CLSTN2: variants seen among roughly 807,000 people sequenced by gnomAD.
CLSTN2 encodes the protein calsyntenin 2.
Under a neutral mutation model 101.2 loss-of-function variants are expected in CLSTN2, and 48 were observed. The ratio of observed to expected loss-of-function variants is 0.47; its 90% CI spans 0.38 to 0.60. CLSTN2 has a LOEUF of 0.60. CLSTN2 is among the 20% of genes least tolerant of loss of function. The pLI is 0.00. For synonymous variants in CLSTN2, 481 were observed against 463.6 expected (o/e 1.04, Z -0.48); for missense variants, 1,160 against 1,238.2 (o/e 0.94, Z 0.95).
At chr3:140,184,441 T>C (rs1346308258) in intron 2 of CLSTN2, among the ~76,000 whole-genome samples, 1 of 152,110 alleles carries the variant, frequency 6.6e-6, no homozygotes, top group Non-Finnish European at 1.5e-5. Context: ...GAGCCCCTTA[T>C]GAAACCATCA....
At chr3:140,129,250 A>C (rs1042912578) in intron 1 of CLSTN2, among the ~76,000 whole-genome samples, 12 of 152,110 alleles carry the variant, frequency 7.9e-5, no homozygotes, top group Admixed American at 3.9e-4. Flanking sequence ...TGATGTACCC[A>C]TACTCTTTCA....
rs1423393269 is a variant in CLSTN2, at chr3:140,389,345, GT to G, written c.233-14282del. On this transcript the variant is annotated intron_variant, in intron 2 of 16. Coordinates refer to ENST00000458420, the MANE Select transcript of CLSTN2 (RefSeq NM_022131.3). The stretch of plus-strand genomic sequence containing the variant: ...GTTGTTCCCCTCCCCATGTCCATGT[GT>G]TCTCATTGTTCAGCTCCCACTTATA... Among the ~76,000 whole-genome samples, 7 of 152,274 alleles carry G rather than the reference GT, an allele frequency of 4.6e-5. No individual in the cohort carries two copies. The East Asian group carries it at 1.2e-3, about 25-fold the overall frequency.
chr3:140,190,261 A>G (rs1219775754), intron 2 of CLSTN2, among the ~76,000 whole-genome samples: 1 of 152,026 alleles, frequency 6.6e-6, no homozygotes, highest in Non-Finnish European at 1.5e-5. Flanking sequence ...CTCTTCTCTC[A>G]TCCATTAATC....
chr3:140,256,453 C>A (rs1231264986), intron 2 of CLSTN2, among the ~76,000 whole-genome samples: 1 of 152,160 alleles, frequency 6.6e-6, no homozygotes, highest in Non-Finnish European at 1.5e-5. Flanking sequence ...AAAGGAATAT[C>A]AGCACATCCA....
At chr3:140,563,239 G>C (rs1253052795) in intron 15 of CLSTN2, 36 bp downstream of exon 15, 1 of 1,606,528 alleles carries the variant, frequency 6.2e-7, no homozygotes, top group Admixed American at 1.7e-5. Context: ...TCAGGACACA[G>C]GTCGTCATTG....
chr3:140,314,486 C>G lies in CLSTN2; in HGVS notation c.233-89143C>G, dbSNP rs565168428. On this transcript the variant is annotated intron_variant, in intron 2 of 16. Coordinates refer to ENST00000458420, the MANE Select transcript of CLSTN2 (RefSeq NM_022131.3). ...TAACTCTCAAGATCCCACCCATGTG[C>G]CACTCCCCTAGAGGCCTCATGGGAC... Among the ~76,000 whole-genome samples, 3 of 152,294 alleles carry G rather than the reference C, an allele frequency of 2.0e-5. 1 individual carries two copies. The South Asian group carries it at 6.2e-4, about 32-fold the overall frequency.
At chr3:139,963,833 A>T (rs1202594557) in intron 1 of CLSTN2, among the ~76,000 whole-genome samples, 1 of 152,202 alleles carries the variant, frequency 6.6e-6, no homozygotes, top group Non-Finnish European at 1.5e-5. Context: ...TCCTGGGCAG[A>T]GTCTTGCACA....
intron 1 of CLSTN2, among the ~76,000 whole-genome samples, chr3:140,027,240 G>C (rs2007440276): frequency 6.6e-6 from 1 of 152,166 alleles, no homozygotes; most frequent in Non-Finnish European, 1.5e-5. Flanking sequence ...CAGAACCTCA[G>C]AATATAGCCT....
intron 1 of CLSTN2, among the ~76,000 whole-genome samples, chr3:140,121,008 G>A (rs761652375): frequency 5.3e-5 from 8 of 152,334 alleles, no homozygotes; most frequent in Middle Eastern, 3.4e-3. Flanking sequence ...AGAGCCTCTG[G>A]TAAACAGGTA....
At chr3:140,285,738 G>C (rs2086889981) in intron 2 of CLSTN2, among the ~76,000 whole-genome samples, 1 of 152,148 alleles carries the variant, frequency 6.6e-6, no homozygotes, top group African/African-American at 2.4e-5. Context: ...CATATCTCCA[G>C]AATTTCTGGG....
At chr3:139,967,169 G>A (rs1419547763) in intron 1 of CLSTN2, among the ~76,000 whole-genome samples, 2 of 152,196 alleles carry the variant, frequency 1.3e-5, no homozygotes, top group South Asian at 2.1e-4. Context: ...TGACTTGGAA[G>A]CTGAAGGGAT....
At chr3:140,147,061 T>C (rs1249436883) in intron 1 of CLSTN2, among the ~76,000 whole-genome samples, 1 of 152,206 alleles carries the variant, frequency 6.6e-6, no homozygotes, top group Non-Finnish European at 1.5e-5. Context: ...AATGGATGGA[T>C]GAATGGATGA....
At chr3:140,148,359 AT>A (rs2009812919) in intron 1 of CLSTN2, among the ~76,000 whole-genome samples, 1 of 152,144 alleles carries the variant, frequency 6.6e-6, no homozygotes, top group Non-Finnish European at 1.5e-5. Flanking sequence ...ATTGAGTGGG[AT>A]TTGTTAAAGC....
intron 9 of CLSTN2, 108 bp downstream of exon 9, chr3:140,532,594 T>G (rs1413325307): frequency 1.2e-6 from 1 of 835,916 alleles, no homozygotes; most frequent in East Asian, 2.7e-5. Flanking sequence ...CTAGAAAAAT[T>G]ACTACCCCTT....
intron 2 of CLSTN2, among the ~76,000 whole-genome samples, chr3:140,298,789 T>A (rs1576504836): frequency 6.6e-6 from 1 of 152,226 alleles, no homozygotes; most frequent in South Asian, 2.1e-4. Context: ...ACAGAATGCA[T>A]GGTGTAAAAA....
chr3:140,415,718 T>C (rs1234674508), intron 4 of CLSTN2, among the ~76,000 whole-genome samples: 3 of 152,120 alleles, frequency 2.0e-5, no homozygotes, highest in African/African-American at 7.2e-5. Flanking sequence ...GGTGAAGATG[T>C]GAAGAAAAGG....
At chr3:140,150,380 A>G (rs778850305) in intron 1 of CLSTN2, among the ~76,000 whole-genome samples, 28 of 152,178 alleles carry the variant, frequency 1.8e-4, no homozygotes, top group Non-Finnish European at 3.2e-4. Flanking sequence ...TGACATCTAC[A>G]TCATTGGATT....
chr3:140,295,337 C>T (rs1347826375), intron 2 of CLSTN2, among the ~76,000 whole-genome samples: 3 of 152,092 alleles, frequency 2.0e-5, no homozygotes, highest in African/African-American at 7.2e-5. Context: ...GGTATTTCAG[C>T]CTTTTATCCA....
chr3:140,140,897 G>A (rs992844269), intron 1 of CLSTN2, among the ~76,000 whole-genome samples: 13 of 152,110 alleles, frequency 8.5e-5, no homozygotes, highest in Admixed American at 3.9e-4. Context: ...AGTGACAAGC[G>A]ACCCCTCCTT....
Sources: allele counts gnomAD v4.1 joint callset (sites outside exome capture counted in the v4.1 genomes callset), GRCh38; gene constraint gnomAD v4.1.1; transcripts MANE v1.5; gene names NCBI Gene and HGNC (gene_info 2026-07-23, HGNC 2026-07-21).